The following SRPK2 variants were observed in gnomAD, a reference collection of about 807,000 sequenced individuals.
SRPK2 encodes the protein SRSF protein kinase 2, also known as SFRS protein kinase 2.
Under a neutral mutation model 90.8 loss-of-function variants are expected in SRPK2, and 21 were observed. The observed-to-expected ratio is 0.23, with a 90% confidence interval of 0.16 to 0.33. The LOEUF (loss-of-function observed/expected upper bound fraction) is 0.33. Ranked by LOEUF, SRPK2 falls within the 10% of genes least tolerant of loss-of-function variation. SRPK2 has a pLI of 1.00. For missense variants in SRPK2, 620 were observed against 869.0 expected (o/e 0.71, Z 3.60); for synonymous variants, 288 against 311.1 (o/e 0.93, Z 0.78).
At chr7:105,383,640 G>A (rs551865654) in intron 2 of SRPK2, among the ~76,000 whole-genome samples, 13 of 151,452 alleles carry the variant, frequency 8.6e-5, no homozygotes, top group Middle Eastern at 3.4e-3. Flanking sequence ...GGCTGGTCTC[G>A]AACTATTGAC....
At chr7:105,305,585 T>C (rs1421345106) in intron 2 of SRPK2, among the ~76,000 whole-genome samples, 2 of 152,156 alleles carry the variant, frequency 1.3e-5, no homozygotes, top group Non-Finnish European at 2.9e-5. Context: ...AATTCTTCTG[T>C]GTAATTTTGG....
chr7:105,281,493 C>G (rs896065958), intron 2 of SRPK2, among the ~76,000 whole-genome samples: 3 of 152,168 alleles, frequency 2.0e-5, no homozygotes, highest in Non-Finnish European at 4.4e-5. Flanking sequence ...TTGCTCAAGA[C>G]TCCAGCGCTA....
chr7:105,375,790 C>T (rs1430868173), intron 2 of SRPK2, among the ~76,000 whole-genome samples: 1 of 152,104 alleles, frequency 6.6e-6, no homozygotes, highest in Admixed American at 6.6e-5. Context: ...GGTAATATGG[C>T]ACCCATATCA....
intron 2 of SRPK2, among the ~76,000 whole-genome samples, chr7:105,229,559 G>C (rs1799169459): frequency 6.6e-6 from 1 of 152,080 alleles, no homozygotes; most frequent in Non-Finnish European, 1.5e-5. Context: ...TTTGATCTTA[G>C]CTATGGAGGA....
intron 2 of SRPK2, chr7:105,306,349 A>C (rs1002439389): frequency 2.8e-6 from 1 of 359,604 alleles, no homozygotes; most frequent in Non-Finnish European, 5.3e-6. Flanking sequence ...TAGTTTCAGA[A>C]TATTAACAAA....
intron 2 of SRPK2, among the ~76,000 whole-genome samples, chr7:105,279,203 G>A (rs1806933881): frequency 1.3e-5 from 2 of 152,182 alleles, no homozygotes; most frequent in African/African-American, 2.4e-5. Context: ...CCAGAGGGCG[G>A]GCGGCGGGGG....
intron 7 of SRPK2, among the ~76,000 whole-genome samples, chr7:105,153,339 G>A (rs1397032933): frequency 6.6e-6 from 1 of 152,122 alleles, no homozygotes; most frequent in Admixed American, 6.5e-5. Flanking sequence ...TCTTTTCCTT[G>A]AACCTCAAAT....
rs997977242 is a variant in SRPK2, at chr7:105,118,079, G to A, written c.1916-57C>T. The stretch of plus-strand genomic sequence containing the variant: ...AAGCTCCAAATCTGCATTCCCCATT[G>A]TTGGTCCAGTCAGGTTCTTTTCAGT... On this transcript the variant is annotated intron_variant, in intron 15 of 15. Transcript: ENST00000393651. The A allele has an allele frequency of 3.1e-6, 5 of 1,588,586 alleles. No individual in the cohort carries two copies. In the Admixed American group the frequency reaches 5.2e-5, roughly 16 times the overall value.
chr7:105,289,587 G>A (rs572546101), intron 2 of SRPK2, among the ~76,000 whole-genome samples: 6 of 152,208 alleles, frequency 3.9e-5, no homozygotes, highest in Non-Finnish European at 8.8e-5. Flanking sequence ...TATCATTAAA[G>A]TGATCATAAA....
chr7:105,272,460 T>C (rs1319609824), intron 2 of SRPK2, among the ~76,000 whole-genome samples: 1 of 152,240 alleles, frequency 6.6e-6, no homozygotes, highest in Non-Finnish European at 1.5e-5. Context: ...GTCATAATTT[T>C]GTTTCTTAAC....
Position 105,338,090 on chromosome 7 carries a change from A to AAC in SRPK2, c.71+50557_71+50558insGT, listed in dbSNP as rs1554514860. Among the ~76,000 whole-genome samples, 7 of 151,416 alleles carry AAC rather than the reference A, an allele frequency of 4.6e-5. 1 individual carries two copies. Among genetic ancestry groups the AAC allele is most frequent in the Admixed American group, 3.9e-4 (6 of 15,204 alleles). On this transcript the variant is annotated intron_variant, in intron 2 of 15. Coordinates refer to ENST00000393651, the MANE Select transcript of SRPK2 (RefSeq NM_182692.3). Reference sequence around the variant, plus strand: ...AAAAAGAAAGAATATTAAAAAAAAAAAAAACTTTTTCAATGTAACTCCTAG... The same window carrying AAC: ...AAAAAGAAAGAATATTAAAAAAAAAAACAAAACTTTTTCAATGTAACTCCTAG...
rs569436225 is a variant in SRPK2 at position 105,337,291 on chromosome 7, T to G, written c.71+51357A>C. 3.3e-5 allele frequency among the ~76,000 whole-genome samples: 5 copies of G among 151,654 alleles called. No homozygotes were observed. The East Asian group carries it at 7.8e-4, about 24-fold the overall frequency. On this transcript the variant is annotated intron_variant, in intron 2 of 15. Coordinates refer to ENST00000393651, the MANE Select transcript of SRPK2 (RefSeq NM_182692.3). ...AGGTAATTAGGGTTAGAGGAAGGCA[T>G]CAATGATAGTGAGGCTCATGAAGGG... is the stretch of plus-strand genomic sequence containing the variant.
chr7:105,309,804 T>A, intron 2 of SRPK2, among the ~76,000 whole-genome samples: 1 of 152,072 alleles, frequency 6.6e-6, no homozygotes. Context: ...ACATTATAGA[T>A]CTTACTTATC....
At chr7:105,150,033 CG>C (rs915883273) in intron 7 of SRPK2, among the ~76,000 whole-genome samples, 61 of 151,228 alleles carry the variant, frequency 4.0e-4, no homozygotes, top group African/African-American at 1.4e-3. Context: ...ATGAGTATGA[CG>C]GGTGGGGTAA....
At chr7:105,272,954 C>A (rs1044980617) in intron 2 of SRPK2, among the ~76,000 whole-genome samples, 2 of 152,122 alleles carry the variant, frequency 1.3e-5, no homozygotes, top group Non-Finnish European at 2.9e-5. Context: ...GTGGCTCACG[C>A]CTGTAATCCC....
intron 2 of SRPK2, among the ~76,000 whole-genome samples, chr7:105,263,996 A>C (rs1303714306): frequency 6.6e-6 from 1 of 152,248 alleles, no homozygotes; most frequent in African/African-American, 2.4e-5. Context: ...AGGGAAAAAT[A>C]GTTATCAACA....
chr7:105,390,741 CG>C (rs1417614752), upstream of SRPK2, among the ~76,000 whole-genome samples: 2 of 151,810 alleles, frequency 1.3e-5, no homozygotes, highest in Non-Finnish European at 2.9e-5. Flanking sequence ...GCCTGAGCCT[CG>C]GCACCCAGCC....
intron 3 of SRPK2, among the ~76,000 whole-genome samples, chr7:105,180,029 G>A (rs367631262): frequency 3.9e-5 from 6 of 152,058 alleles, no homozygotes; most frequent in African/African-American, 1.4e-4. Context: ...CAGATTCAAT[G>A]CTATTCCTAT....
upstream of SRPK2, among the ~76,000 whole-genome samples, chr7:105,390,755 T>G (rs1270446153): frequency 6.6e-6 from 1 of 151,988 alleles, no homozygotes; most frequent in African/African-American, 2.4e-5. Flanking sequence ...ACCCAGCCTT[T>G]TTTTGTTTTG....
Sources: allele counts gnomAD v4.1 joint callset (sites outside exome capture counted in the v4.1 genomes callset), GRCh38; gene constraint gnomAD v4.1.1; transcripts MANE v1.5; gene names NCBI Gene and HGNC (gene_info 2026-07-23, HGNC 2026-07-21).